The following GPRC5C variants were observed in gnomAD, a reference collection of about 807,000 sequenced individuals.
GPRC5C encodes the protein G protein-coupled receptor family C group 5 member C.
GPRC5C carries 22 observed loss-of-function variants against 31.4 expected under a neutral mutation model. The observed-to-expected ratio is 0.70, with a 90% CI of 0.50 to 1.00. GPRC5C has a LOEUF of 1.00. Among genes scored for constraint, GPRC5C ranks in the 50% least tolerant of loss-of-function variants. The pLI is 0.00. For missense variants in GPRC5C, 557 were observed against 597.2 expected, an observed-to-expected ratio of 0.93 and a Z score of 0.70; for synonymous variants, 249 against 257.5, an observed-to-expected ratio of 0.97 and a Z score of 0.32.
At chr17:74,437,452 T>C (rs2055448906) in intron 1 of GPRC5C, among the ~76,000 whole-genome samples, 1 of 152,156 alleles carries the variant, frequency 6.6e-6, no homozygotes, top group South Asian at 2.1e-4. Flanking sequence ...GCAAGCTTAA[T>C]TGAAAGATGA....
rs554974260 is a variant in GPRC5C at position 74,434,904 on chromosome 17, C to A, written c.-33+2763C>A. Among the ~76,000 whole-genome samples, 35 of 148,870 alleles carry A rather than the reference C, an allele frequency of 2.4e-4. No homozygotes were observed. The South Asian group carries it at 7.2e-3, about 31-fold the overall frequency. On this transcript the variant is annotated intron_variant, in intron 1 of 3. Transcript: ENST00000392627. ...TGCCATTGCACTCCAGTCTGGGCAACAAGAGTGAAGCTTCGTCTCAAGAAA... is the reference window on the plus strand; with the variant it reads ...TGCCATTGCACTCCAGTCTGGGCAAAAAGAGTGAAGCTTCGTCTCAAGAAA...
chr17:74,436,713 G>T (rs2055435999), intron 1 of GPRC5C, among the ~76,000 whole-genome samples: 1 of 152,202 alleles, frequency 6.6e-6, no homozygotes, highest in African/African-American at 2.4e-5. Flanking sequence ...CTGGCCGAGG[G>T]AGGTGGGGTG....
intron 1 of GPRC5C, among the ~76,000 whole-genome samples, chr17:74,436,670 G>A (rs919569308): frequency 1.3e-5 from 2 of 152,214 alleles, no homozygotes; most frequent in African/African-American, 4.8e-5. Flanking sequence ...AATATTTGCT[G>A]ATTTGGAGTA....
At position 74,441,415 on chromosome 17, in the gene GPRC5C, C is replaced by G. The variant is rs762503730; in HGVS notation, c.1051+588C>G. Among the ~76,000 whole-genome samples the G allele has an allele frequency of 3.3e-5, 5 of 152,292 alleles. No individual in the cohort carries two copies. In the East Asian group the frequency reaches 9.6e-4, roughly 29 times the overall value. On this transcript the variant is annotated intron_variant, in intron 2 of 3. Coordinates refer to ENST00000392627, the MANE Select transcript of GPRC5C (RefSeq NM_022036.4). ...CCAGTCCTACCCGTCCCATCCTGTT[C>G]CATCCCCAGAAGTGACCACTATTGA...
At chr17:74,439,702 G>C (rs2055494751) in intron 1 of GPRC5C, 43 bp from the exon 2 acceptor site, 2 of 1,549,208 alleles carry the variant, frequency 1.3e-6, no homozygotes, top group Non-Finnish European at 1.7e-6. Context: ...ATTGGAGTCT[G>C]ATCTTGGAGG....
At position 74,447,172 on chromosome 17, in the gene GPRC5C, G is replaced by C. The variant is rs1014069662; in HGVS notation, c.*144G>C. ...TCTGGAAGGGCCTCCCTCTCTGCCA[G>C]TGTTTGGGTGGGTGTCATGGGTGTC... is the stretch of plus-strand genomic sequence containing the variant. On this transcript the variant is annotated 3_prime_UTR_variant, in exon 4 of 4. Coordinates refer to ENST00000392627, the MANE Select transcript of GPRC5C (RefSeq NM_022036.4). 7.0e-7 allele frequency: 1 copy of C among 1,434,578 alleles called. No homozygotes were observed. Among genetic ancestry groups the C allele is most frequent in the Non-Finnish European group, 9.1e-7 (1 of 1,094,236 alleles). The allele number at this position is 1,434,578 out of a possible 1,614,324, so 88.9% of individuals were successfully genotyped here. A position where few individuals can be genotyped will look rare whatever the true frequency, so the allele number is the denominator to read the frequency against.
In GPRC5C at chr17:74,433,791, C is replaced by G. The variant is rs8072817; in HGVS notation, c.-33+1650C>G. 2,482 of 1,494,740 alleles carry G rather than the reference C, an allele frequency of 1.7e-3. 34 individuals are homozygous for G. In the African/African-American group the frequency reaches 0.03, roughly 18 times the overall value. 92.6% of individuals were successfully genotyped at this position (1,494,740 alleles called of 1,614,324 possible). The stretch of plus-strand genomic sequence containing the variant: ...TGAGTTTGGTTGGCCCTGTGACGCG[C>G]TGGAGCTCTCTTTCCAGTGCGGTAT... On this transcript the variant is annotated intron_variant, in intron 1 of 3. Coordinates refer to ENST00000392627, the MANE Select transcript of GPRC5C (RefSeq NM_022036.4).
intron 2 of GPRC5C, among the ~76,000 whole-genome samples, chr17:74,441,067 G>A (rs973458233): frequency 6.6e-6 from 1 of 151,906 alleles, no homozygotes; most frequent in Admixed American, 6.6e-5. Flanking sequence ...TTGAGACGAG[G>A]AGTTCGAGAC....
downstream of GPRC5C, chr17:74,449,011 C>A: frequency 1.4e-6 from 1 of 717,580 alleles, no homozygotes; most frequent in Non-Finnish European, 2.1e-6. Flanking sequence ...CAGGGGGCTG[C>A]CAGGCCGGCC....
intron 1 of GPRC5C, among the ~76,000 whole-genome samples, chr17:74,436,592 G>A (rs908713494): frequency 3.9e-5 from 6 of 152,274 alleles, no homozygotes; most frequent in Admixed American, 2.6e-4. Flanking sequence ...CAGGGACTAC[G>A]TTTGTTCATG....
chr17:74,440,152 C>T lies in GPRC5C; in HGVS notation c.376C>T (p.Leu126=), dbSNP rs1016514618. The T allele has an allele frequency of 1.1e-5, 17 of 1,614,088 alleles. No individual in the cohort carries two copies. The Admixed American group carries it at 2.5e-4, about 24-fold the overall frequency. Residue 126 remains leucine, a synonymous_variant, in exon 2 of 4, where the codon CTG becomes TTG. Coordinates refer to ENST00000392627, the MANE Select transcript of GPRC5C (RefSeq NM_022036.4). The surrounding 1 kb of genome is among the most constrained non-coding windows in gnomAD (Gnocchi z 4.4). The part of the protein sequence containing the change: ...CASRRFLFGV[L]FAICFSCLAA... ...CTCTCGGCGCTTCCTCTTTGGGGTTCTGTTCGCCATCTGCTTCTCTTGTCT... is the reference window on the plus strand; with the variant it reads ...CTCTCGGCGCTTCCTCTTTGGGGTTTTGTTCGCCATCTGCTTCTCTTGTCT...
chr17:74,440,345 G>T lies in GPRC5C; in HGVS notation c.569G>T (p.Gly190Val). Residue 190 changes from glycine (G) to valine (V), a missense_variant, in exon 2 of 4, where the codon GGC (glycine) becomes GTC (valine). Gly to Val is a moderately radical substitution (Grantham distance 109). Transcript: ENST00000392627. This position sits in a 1 kb window ranked among gnomAD's most constrained non-coding sequence, Gnocchi z 4.4. ...GGCAGTGGCGAGGGCGGCCCTCAGGGCAACAGCAGCGCAGGCTGGGCCGTG... is the reference window on the plus strand; with the variant it reads ...GGCAGTGGCGAGGGCGGCCCTCAGGTCAACAGCAGCGCAGGCTGGGCCGTG... Reference protein sequence around the residue: ...VRGSGEGGPQGNSSAGWAVAS... With the variant: ...VRGSGEGGPQVNSSAGWAVAS... The T allele has an allele frequency of 1.2e-6, 2 of 1,614,162 alleles. No individual in the cohort carries two copies. Among genetic ancestry groups the T allele is most frequent in the Non-Finnish European group, 1.7e-6 (2 of 1,180,024 alleles).
At chr17:74,450,754 T>C (rs1228954368), downstream of GPRC5C, 1 of 152,242 alleles carries the variant, frequency 6.6e-6, no homozygotes, top group East Asian at 1.9e-4. Context: ...AAGACAGAGA[T>C]GGGCACAGCT....
intron 1 of GPRC5C, 144 bp from the exon 2 acceptor site, chr17:74,439,601 G>C: frequency 1.3e-6 from 1 of 751,310 alleles, no homozygotes. Flanking sequence ...GGGGTTCTAT[G>C]TTAAGAAGGA....
intron 2 of GPRC5C, 26 bp from the exon 3 acceptor site, chr17:74,443,792 C>A (rs1458417639): frequency 1.3e-6 from 2 of 1,541,922 alleles, no homozygotes; most frequent in Non-Finnish European, 1.8e-6. Context: ...CTGGGATCTT[C>A]AAACTGTTCC....
chr17:74,445,991 C>A (rs867371361), intron 3 of GPRC5C: 1 of 56,202 alleles, frequency 1.8e-5, no homozygotes, highest in African/African-American at 9.6e-5. Context: ...AGACCCCCCC[C>A]CCCCGCCCAC....
At chr17:74,446,577 G>T (rs1046017648) in intron 3 of GPRC5C, 1 of 416,588 alleles carries the variant, frequency 2.4e-6, no homozygotes, top group Admixed American at 4.0e-5. Flanking sequence ...AAGTAGGAGG[G>T]TCTTGAGAAG....
At chr17:74,432,221 C>G (rs985216934) in intron 1 of GPRC5C, 80 bp downstream of exon 1, 2 of 1,550,972 alleles carry the variant, frequency 1.3e-6, no homozygotes, top group Non-Finnish European at 8.7e-7. Context: ...GGCGGGCGCC[C>G]GATTAGCGCC....
chr17:74,439,760 C>G lies in GPRC5C; in HGVS notation c.-17C>G, dbSNP rs749410790. On this transcript the variant is annotated 5_prime_UTR_variant, in exon 2 of 4. Transcript: ENST00000392627. Reference sequence around the variant, plus strand: ...CTGTCTCTAGGGACCCAACCAGAGCCTGGCCTGGGAGCCAGGATGGCCATC... The same window carrying G: ...CTGTCTCTAGGGACCCAACCAGAGCGTGGCCTGGGAGCCAGGATGGCCATC... 2 of 1,607,964 alleles carry G rather than the reference C, an allele frequency of 1.2e-6. No individual in the cohort carries two copies. The highest frequency in any genetic ancestry group is 1.7e-6 in the Non-Finnish European group (2 of 1,176,256).
Sources: gnomAD v4.1 joint callset for allele counts (sites outside exome capture counted in the v4.1 genomes callset) on GRCh38, gnomAD v4.1.1 for gene constraint, Gnocchi (gnomAD v3.1) non-coding constraint, MANE v1.5 for transcripts, NCBI Gene and HGNC (gene_info 2026-07-23, HGNC 2026-07-21) for gene names.